Variants in ZNF567 observed in about 807,000 individuals in gnomAD.
ZNF567 encodes the protein zinc finger protein 567.
Under a neutral mutation model 53.9 loss-of-function variants are expected in ZNF567, and 36 were observed. The ratio of observed to expected loss-of-function variants is 0.67; its 90% CI spans 0.51 to 0.88. The LOEUF (loss-of-function observed/expected upper bound fraction) is 0.88, where lower values mean the gene tolerates loss of function less well. Among genes scored for constraint, ZNF567 ranks in the 40% least tolerant of loss-of-function variants. The pLI is 0.00. For missense variants in ZNF567, 619 were observed against 764.7 expected, an observed-to-expected ratio of 0.81 and a Z score of 2.25; for synonymous variants, 224 against 260.4, an observed-to-expected ratio of 0.86 and a Z score of 1.35.
the ZNF567 span, among the ~76,000 whole-genome samples, chr19:36,667,490 ACTC>A: frequency 2.0e-5 from 3 of 151,222 alleles, no homozygotes; most frequent in African/African-American, 7.3e-5. Flanking sequence ...CGACAGAGCA[ACTC>A]CTTCTCAAAC....
At chr19:36,681,738 C>CTT in the ZNF567 span, among the ~76,000 whole-genome samples, 2 of 142,478 alleles carry the variant, frequency 1.4e-5, no homozygotes, top group African/African-American at 2.6e-5. Context: ...GCCAAGTTTT[C>CTT]TTTTTTTTTT....
In ZNF567 at chr19:36,712,868, GTGAGTTT is replaced by G; in HGVS notation, c.223+2_223+8del. The G allele has an allele frequency of 6.2e-7, 1 of 1,612,646 alleles. No homozygotes were observed. The highest frequency in any genetic ancestry group is 8.5e-7 in the Non-Finnish European group (1 of 1,179,150). ...TCATTTGCAGGTCATACCTGCTTGGGTGAGTTTCTGGCTCTTAGGCAGACACAGTCTA... is the reference window on the plus strand; with the variant it reads ...TCATTTGCAGGTCATACCTGCTTGGGCTGGCTCTTAGGCAGACACAGTCTA... On this transcript the variant is annotated splice_donor_variant and splice_donor_5th_base_variant and intron_variant, in intron 5 of 5. Coordinates refer to ENST00000682579, the MANE Select transcript of ZNF567 (RefSeq NM_001322917.1). LOFTEE classifies it high-confidence loss of function.
At chr19:36,724,046 G>A (rs1465127267), downstream of ZNF567, among the ~76,000 whole-genome samples, 4 of 94,234 alleles carry the variant, frequency 4.2e-5, no homozygotes, top group Non-Finnish European at 6.0e-5. Context: ...CACTCTTATT[G>A]CCCAGGCTGG....
At chr19:36,683,629 G>A (rs2145474491), upstream of ZNF567, among the ~76,000 whole-genome samples, 1 of 152,156 alleles carries the variant, frequency 6.6e-6, no homozygotes, top group East Asian at 1.9e-4. Context: ...GTCAGGAGAT[G>A]GAGACCATCC....
At chr19:36,686,944 G>A (rs1166896640), upstream of ZNF567, 1 of 152,192 alleles carries the variant, frequency 6.6e-6, no homozygotes, top group African/African-American at 2.4e-5. Flanking sequence ...ACTGGGGACA[G>A]GTGTGCCCTG....
At chr19:36,725,203 A>T (rs896115210), downstream of ZNF567, among the ~76,000 whole-genome samples, 3 of 134,394 alleles carry the variant, frequency 2.2e-5, no homozygotes, top group Non-Finnish European at 3.2e-5. Flanking sequence ...AATTTTATTT[A>T]ATTTTATTTT....
At position 36,720,739 on chromosome 19, in the gene ZNF567, T is replaced by C. The variant is rs1428976674; in HGVS notation, c.*71T>C. 4 of 1,322,408 alleles carry C rather than the reference T, an allele frequency of 3.0e-6. No individual in the cohort carries two copies. The African/African-American group carries it at 5.9e-5, about 19-fold the overall frequency. 81.9% of individuals were successfully genotyped at this position (1,322,408 alleles called of 1,614,324 possible). ...TTTAGTTTTAAAAAGAAAAGCATGC[T>C]GAAACATGTTAATGTAATTTTAAAT... On this transcript the variant is annotated 3_prime_UTR_variant, in exon 6 of 6. Transcript: ENST00000682579.
chr19:36,698,194 G>T (rs1177551034), intron 3 of ZNF567, among the ~76,000 whole-genome samples: 1 of 151,970 alleles, frequency 6.6e-6, no homozygotes, highest in African/African-American at 2.4e-5. Flanking sequence ...TTGTCCTTGT[G>T]ATAGTTTACG....
chr19:36,694,979 T>G (rs1376049333), intron 3 of ZNF567, 103 bp downstream of exon 3: 17 of 1,312,124 alleles, frequency 1.3e-5, no homozygotes, highest in Non-Finnish European at 1.7e-5. Flanking sequence ...CCTACCTATC[T>G]TTCCCTTCAG....
rs1289182859 is a variant in ZNF567 at position 36,715,503 on chromosome 19, AATAATAATT to A, written c.223+2639_223+2647del. ...AAATAATAATAATAATAATAATAAT[AATAATAATT>A]ATTATTATTATTATTATTATTATTA... On this transcript the variant is annotated intron_variant, in intron 5 of 5. Transcript: ENST00000682579. Among the ~76,000 whole-genome samples, 46 of 30,804 alleles carry A rather than the reference AATAATAATT, an allele frequency of 1.5e-3. 1 individual carries two copies. Among genetic ancestry groups the A allele is most frequent in the Middle Eastern group, 0.045 (2 of 44 alleles). 20.2% of individuals were successfully genotyped at this position (30,804 alleles called of 152,430 possible).
At chr19:36,704,229 A>G (rs920086220) in intron 3 of ZNF567, among the ~76,000 whole-genome samples, 1 of 152,298 alleles carries the variant, frequency 6.6e-6, no homozygotes, top group Admixed American at 6.5e-5. Flanking sequence ...CACTTGAGCC[A>G]GGAGTTCAAG....
intron 1 of ZNF567, among the ~76,000 whole-genome samples, chr19:36,687,872 G>A (rs1411514213): frequency 6.6e-6 from 1 of 152,208 alleles, no homozygotes; most frequent in Non-Finnish European, 1.5e-5. Context: ...GTTGCCCGAG[G>A]CGGGGGGTGA....
the ZNF567 span, among the ~76,000 whole-genome samples, chr19:36,667,810 C>T: frequency 2.0e-5 from 3 of 151,692 alleles, no homozygotes; most frequent in Non-Finnish European, 4.4e-5. Flanking sequence ...CCACCTCGCC[C>T]GGCTAATTTT....
At chr19:36,683,310 G>A (rs1164939926), upstream of ZNF567, among the ~76,000 whole-genome samples, 1 of 151,992 alleles carries the variant, frequency 6.6e-6, no homozygotes. Flanking sequence ...GGGCTCAAGT[G>A]TTCCACCCGT....
intron 5 of ZNF567, among the ~76,000 whole-genome samples, chr19:36,717,493 A>T (rs2040117952): frequency 6.6e-6 from 1 of 152,202 alleles, no homozygotes; most frequent in East Asian, 1.9e-4. Flanking sequence ...TGAGGCAAAA[A>T]CTACCTGTTA....
chr19:36,683,832 A>AAAT (rs931186013), upstream of ZNF567, among the ~76,000 whole-genome samples: 3 of 151,980 alleles, frequency 2.0e-5, no homozygotes, highest in Admixed American at 6.6e-5. Context: ...ACTCTGTCTC[A>AAAT]AATAATAATA....
chr19:36,719,284 G>C lies in ZNF567; in HGVS notation c.560G>C (p.Ser187Thr). 1 of 1,613,970 alleles carries C rather than the reference G, an allele frequency of 6.2e-7. No homozygotes were observed. ...THPEVKSHNQ[S>T]ARAFSHNEVL... ...CCTGAAGTCAAATCCCATAATCAAA[G>C]TGCCAGAGCTTTCAGTCATAATGAA... Residue 187 changes from serine to threonine, a missense_variant, in exon 6 of 6, where the codon AGT becomes ACT. Transcript: ENST00000682579.
chr19:36,688,724 G>A (rs1252233524), intron 1 of ZNF567, among the ~76,000 whole-genome samples: 2 of 149,848 alleles, frequency 1.3e-5, no homozygotes, highest in Non-Finnish European at 3.0e-5. Flanking sequence ...GGAGAATGGC[G>A]TGAACCCGGG....
chr19:36,726,579 A>G (rs1293770623), downstream of ZNF567, among the ~76,000 whole-genome samples: 2 of 152,164 alleles, frequency 1.3e-5, no homozygotes, highest in African/African-American at 4.8e-5. Flanking sequence ...CTTATACCCC[A>G]GTAAGAGAGA....
Sources: gnomAD v4.1 joint callset for allele counts (sites outside exome capture counted in the v4.1 genomes callset) on GRCh38, gnomAD v4.1.1 for gene constraint, MANE v1.5 for transcripts, NCBI Gene and HGNC (gene_info 2026-07-23, HGNC 2026-07-21) for gene names.